The following GRM8 variants were observed in gnomAD, a reference collection of about 807,000 sequenced individuals.
GRM8 encodes metabotropic glutamate receptor 8.
Under a neutral mutation model 87.2 loss-of-function variants are expected in GRM8, and 47 were observed. The observed-to-expected ratio is 0.54, with a 90% CI of 0.43 to 0.69. The LOEUF (loss-of-function observed/expected upper bound fraction) is 0.69, where lower values mean the gene tolerates loss of function less well. Among genes scored for constraint, GRM8 ranks in the 30% least tolerant of loss-of-function variants. The pLI is 0.00. For synonymous variants in GRM8, 396 were observed against 404.5 expected (o/e 0.98, Z 0.25); for missense variants, 1,019 against 1,139.2 (o/e 0.89, Z 1.52).
intron 2 of GRM8, among the ~76,000 whole-genome samples, chr7:127,153,907 T>A (rs1792559647): frequency 6.6e-6 from 1 of 152,058 alleles, no homozygotes; most frequent in African/African-American, 2.4e-5. Context: ...ACCAGAGGCC[T>A]CGATTTTACA....
At chr7:127,027,209 C>A (rs1022352082) in intron 3 of GRM8, among the ~76,000 whole-genome samples, 3 of 152,096 alleles carry the variant, frequency 2.0e-5, no homozygotes, top group Non-Finnish European at 4.4e-5. Flanking sequence ...TGTTTTGGTA[C>A]CAGTACCATG....
At chr7:127,240,529 G>A (rs1013172452) in intron 2 of GRM8, among the ~76,000 whole-genome samples, 8 of 152,038 alleles carry the variant, frequency 5.3e-5, no homozygotes, top group African/African-American at 1.9e-4. Context: ...TGGGCACCAG[G>A]CTACAGGAAA....
chr7:126,682,194 A>T (rs1432721311), intron 7 of GRM8, among the ~76,000 whole-genome samples: 1 of 152,230 alleles, frequency 6.6e-6, no homozygotes, highest in African/African-American at 2.4e-5. Flanking sequence ...GTCCCTTTAG[A>T]TCAGAGATAG....
intron 7 of GRM8, among the ~76,000 whole-genome samples, chr7:126,653,053 G>A (rs1433758587): frequency 2.0e-5 from 3 of 151,906 alleles, no homozygotes; most frequent in Non-Finnish European, 4.4e-5. Context: ...TGCACTTTAG[G>A]GAAAACTCTA....
intron 2 of GRM8, among the ~76,000 whole-genome samples, chr7:127,241,625 C>G (rs563549857): frequency 6.6e-6 from 1 of 152,022 alleles, no homozygotes; most frequent in South Asian, 2.1e-4. Context: ...TTAGTAGAGA[C>G]GGGGTTTCAC....
chr7:126,439,148 A>T lies in GRM8; in HGVS notation c.2698T>A (p.Tyr900Asn). ...ATTGAATGATTGCTGTAACTGATAT[A>T]TGTTGTCTTGGTAGAGGAAGCTGTT... ...ETNTSSTKTT[Y>N]ISYSNHSI Residue 900 changes from tyrosine to asparagine, a missense_variant, in exon 11 of 11, where the codon TAT (tyrosine) becomes AAT (asparagine). Transcript: ENST00000339582. 1 of 1,567,242 alleles carries T rather than the reference A, an allele frequency of 6.4e-7. No individual in the cohort carries two copies. The highest frequency in any genetic ancestry group is 1.3e-5 in the African/African-American group (1 of 74,136).
chr7:127,185,667 G>A (rs1794695429), intron 2 of GRM8, among the ~76,000 whole-genome samples: 1 of 152,144 alleles, frequency 6.6e-6, no homozygotes, highest in African/African-American at 2.4e-5. Context: ...CATGTACTGG[G>A]CTCAGCCAAG....
intron 8 of GRM8, among the ~76,000 whole-genome samples, chr7:126,588,217 A>C (rs1010931733): frequency 6.6e-6 from 1 of 152,246 alleles, no homozygotes; most frequent in Non-Finnish European, 1.5e-5. Flanking sequence ...TAACTTAAGA[A>C]AGACAGAGCA....
At chr7:126,951,677 A>G (rs188778125) in intron 3 of GRM8, among the ~76,000 whole-genome samples, 1 of 152,186 alleles carries the variant, frequency 6.6e-6, no homozygotes, top group African/African-American at 2.4e-5. Context: ...TAGCAATTCT[A>G]AAACTATGTG....
intron 9 of GRM8, among the ~76,000 whole-genome samples, chr7:126,523,556 C>T (rs993755222): frequency 1.2e-4 from 18 of 150,238 alleles, no homozygotes; most frequent in African/African-American, 3.9e-4. Context: ...GAGTGCAGTG[C>T]GCATAATCTC....
chr7:126,689,658 G>A (rs1416746584), intron 7 of GRM8, among the ~76,000 whole-genome samples: 1 of 152,134 alleles, frequency 6.6e-6, no homozygotes, highest in Admixed American at 6.5e-5. Flanking sequence ...TGCGGAATGA[G>A]AGGGACTGGC....
At chr7:126,581,723 T>G (rs1795627861) in intron 8 of GRM8, among the ~76,000 whole-genome samples, 1 of 152,148 alleles carries the variant, frequency 6.6e-6, no homozygotes, top group Non-Finnish European at 1.5e-5. Context: ...TGTACCCACT[T>G]CATGTCTCTG....
Position 126,467,123 on chromosome 7 carries a change from C to T in GRM8, c.2431-20751G>A, listed in dbSNP as rs142947377. Among the ~76,000 whole-genome samples, 898 of 151,844 alleles carry T rather than the reference C, an allele frequency of 5.9e-3. 13 individuals are homozygous for T. The highest frequency in any genetic ancestry group is 0.021 in the African/African-American group (850 of 41,458). On this transcript the variant is annotated intron_variant, in intron 9 of 10. Transcript: ENST00000339582. ...ACCCATCATCTACATTAAGTATTTC[C>T]CCTAATGCTATCCCTCTCCTAGCCC...
chr7:127,106,431 G>T, intron 3 of GRM8, 65 bp downstream of exon 3: 2 of 1,256,826 alleles, frequency 1.6e-6, no homozygotes, highest in South Asian at 1.2e-5. Context: ...GAGAGCACTT[G>T]GAGATGCTCA....
intron 7 of GRM8, among the ~76,000 whole-genome samples, chr7:126,651,580 G>C (rs937105909): frequency 6.6e-5 from 10 of 152,072 alleles, no homozygotes; most frequent in African/African-American, 2.4e-4. Flanking sequence ...CTCGCCTAGA[G>C]GTCTTAGTTC....
chr7:127,182,157 A>T (rs992834005), intron 2 of GRM8, among the ~76,000 whole-genome samples: 7 of 152,126 alleles, frequency 4.6e-5, no homozygotes, highest in Admixed American at 3.3e-4. Flanking sequence ...AGAAAAAAAC[A>T]AACAATCCCA....
At chr7:126,794,939 C>T (rs951680814) in intron 6 of GRM8, among the ~76,000 whole-genome samples, 23 of 152,204 alleles carry the variant, frequency 1.5e-4, no homozygotes, top group African/African-American at 5.1e-4. Context: ...ATAAAAACAC[C>T]AATGGTCAGA....
intron 3 of GRM8, among the ~76,000 whole-genome samples, chr7:127,016,417 T>A (rs760735206): frequency 6.6e-6 from 1 of 151,996 alleles, no homozygotes; most frequent in Non-Finnish European, 1.5e-5. Context: ...CTGTGTGTAA[T>A]CCCCATAATC....
intron 9 of GRM8, among the ~76,000 whole-genome samples, chr7:126,458,911 C>T (rs1395096853): frequency 6.6e-6 from 1 of 150,468 alleles, no homozygotes; most frequent in Non-Finnish European, 1.5e-5. Flanking sequence ...GTGGATACAA[C>T]CTAAGTGGTG....
Sources: gnomAD v4.1 joint callset for allele counts (sites outside exome capture counted in the v4.1 genomes callset) on GRCh38, gnomAD v4.1.1 for gene constraint, MANE v1.5 for transcripts, NCBI Gene and HGNC (gene_info 2026-07-23, HGNC 2026-07-21) for gene names.